Variants in FLVCR2 observed in about 807,000 individuals in gnomAD.
The protein encoded by FLVCR2 is FLVCR choline and putative heme transporter 2, also known as choline/ethanolamine transporter FLVCR2.
A neutral mutation model predicts 48.9 loss-of-function variants in FLVCR2; 38 were observed. The observed-to-expected ratio is 0.78, with a 90% confidence interval of 0.60 to 1.02. FLVCR2 has a LOEUF of 1.02. FLVCR2 is among the 50% of genes least tolerant of loss of function. The pLI is 0.00. For synonymous variants in FLVCR2, 255 were observed against 257.0 expected (o/e 0.99, Z 0.07); for missense variants, 664 against 663.3 (o/e 1.00, Z -0.01).
intron 1 of FLVCR2, among the ~76,000 whole-genome samples, chr14:75,586,230 T>G (rs1018899720): frequency 6.6e-6 from 1 of 152,014 alleles, no homozygotes; most frequent in Non-Finnish European, 1.5e-5. Flanking sequence ...GGCGGTGGGT[T>G]AGGAGCAATG....
chr14:75,595,890 T>G, intron 1 of FLVCR2: 1 of 1,092,280 alleles, frequency 9.2e-7, no homozygotes, highest in Non-Finnish European at 1.4e-6. Flanking sequence ...TTCCTCTCAT[T>G]GCTTTCTTGA....
intron 1 of FLVCR2, among the ~76,000 whole-genome samples, chr14:75,591,234 A>G (rs1888869382): frequency 6.6e-6 from 1 of 152,006 alleles, no homozygotes; most frequent in Non-Finnish European, 1.5e-5. Context: ...GTAGAGACGG[A>G]GTTTCGCCAT....
In FLVCR2 at chr14:75,579,286, A is replaced by G; in HGVS notation, c.314A>G (p.Tyr105Cys). Residue 105 changes from tyrosine (Y) to cysteine (C), a missense_variant, in exon 1 of 10, where the codon TAC becomes TGC. Tyr to Cys is a radical substitution (Grantham distance 194). Transcript: ENST00000238667. The stretch of plus-strand genomic sequence containing the variant: ...TGCAACTCCTTTCAGTGGATCCAGT[A>G]CGGCTCCATCAATAACATCTTCATG... ...SMCNSFQWIQ[Y>C]GSINNIFMHF... 6.2e-7 allele frequency: 1 copy of G among 1,614,164 alleles called. No individual in the cohort carries two copies. Among genetic ancestry groups the G allele is most frequent in the Non-Finnish European group, 8.5e-7 (1 of 1,180,010 alleles).
chr14:75,606,575 C>A (rs80064545), intron 1 of FLVCR2, among the ~76,000 whole-genome samples: 4,630 of 152,256 alleles, frequency 0.03, 236 homozygotes, highest in African/African-American at 0.11. Context: ...GCTGAGAATT[C>A]TCTTGATTTC....
chr14:75,626,885 C>G (rs763259171), intron 3 of FLVCR2, among the ~76,000 whole-genome samples: 1 of 151,888 alleles, frequency 6.6e-6, no homozygotes, highest in Non-Finnish European at 1.5e-5. Context: ...TGAGGCCTAC[C>G]TGGGATTCTA....
chr14:75,635,846 G>A (rs1566796298), intron 5 of FLVCR2, among the ~76,000 whole-genome samples: 1 of 151,594 alleles, frequency 6.6e-6, no homozygotes, highest in Non-Finnish European at 1.5e-5. Flanking sequence ...CCTGGCTCAA[G>A]AAAAAAAAGA....
intron 5 of FLVCR2, among the ~76,000 whole-genome samples, chr14:75,638,351 C>T (rs945553538): frequency 3.3e-5 from 5 of 152,148 alleles, no homozygotes; most frequent in South Asian, 4.2e-4. Context: ...GCAGAAGAAT[C>T]GCTTGAACCC....
At chr14:75,600,701 G>A (rs1487650645) in intron 1 of FLVCR2, among the ~76,000 whole-genome samples, 1 of 151,904 alleles carries the variant, frequency 6.6e-6, no homozygotes, top group African/African-American at 2.4e-5. Context: ...CAAAAGCAGA[G>A]GTACTAAAAG....
chr14:75,605,381 T>G (rs760030093), intron 1 of FLVCR2: 24 of 1,290,538 alleles, frequency 1.9e-5, no homozygotes, highest in African/African-American at 3.0e-5. Flanking sequence ...CCCTTGATTC[T>G]ACAGAGCTAA....
intron 9 of FLVCR2, 68 bp downstream of exon 9, chr14:75,641,966 T>C (rs1191234842): frequency 3.1e-5 from 43 of 1,407,006 alleles, no homozygotes; most frequent in Non-Finnish European, 4.0e-5. Context: ...TGTGGCAACA[T>C]AGATGGGGCA....
chr14:75,609,948 C>T (rs377160017), intron 1 of FLVCR2, among the ~76,000 whole-genome samples: 1 of 152,148 alleles, frequency 6.6e-6, no homozygotes, highest in African/African-American at 2.4e-5. Flanking sequence ...ACCGGAGAAT[C>T]CCTCTGTTGG....
At position 75,600,884 on chromosome 14, in the gene FLVCR2, AAAAC is replaced by A. The variant is rs562418079; in HGVS notation, c.670-21184_670-21181del. Among the ~76,000 whole-genome samples, 77 of 152,146 alleles carry A rather than the reference AAAAC, an allele frequency of 5.1e-4. 2 individuals carry two copies. The South Asian group carries it at 0.01, about 20-fold the overall frequency. ...TCTTTACAACTCAACCGCAAAAAAA[AAAAC>A]AAACAAACAATCCAATTTAAAAATG... On this transcript the variant is annotated intron_variant, in intron 1 of 9. Transcript: ENST00000238667.
chr14:75,587,718 T>C (rs1440808159), intron 1 of FLVCR2, among the ~76,000 whole-genome samples: 1 of 152,228 alleles, frequency 6.6e-6, no homozygotes, highest in Admixed American at 6.5e-5. Context: ...TTTTAAGAGA[T>C]ATGCACACAT....
chr14:75,579,588 T>C lies in FLVCR2; in HGVS notation c.616T>C (p.Phe206Leu). Reference sequence around the variant, plus strand: ...GCCCTCCCGCATCGCTTCCGTCTGGTTCGGGGCTAATGAGGTTTCAACAGC... The same window carrying C: ...GCCCTCCCGCATCGCTTCCGTCTGGCTCGGGGCTAATGAGGTTTCAACAGC... The part of the protein sequence containing the change: ...GMPSRIASVW[F>L]GANEVSTACS... The change falls in exon 1 of 10, where the codon TTC becomes CTC. Residue 206 changes from phenylalanine to leucine, a missense_variant. Transcript: ENST00000238667. 2 of 1,614,090 alleles carry C rather than the reference T, an allele frequency of 1.2e-6. No homozygotes were observed. Among genetic ancestry groups the C allele is most frequent in the Non-Finnish European group, 1.7e-6 (2 of 1,180,018 alleles).
At chr14:75,615,087 A>T (rs1889574132) in intron 1 of FLVCR2, among the ~76,000 whole-genome samples, 2 of 152,154 alleles carry the variant, frequency 1.3e-5, no homozygotes, top group African/African-American at 2.4e-5. Context: ...TTCCTCTGAG[A>T]GGGCTGACAC....
intron 1 of FLVCR2, chr14:75,606,011 C>A: frequency 4.7e-6 from 1 of 214,568 alleles, no homozygotes; most frequent in South Asian, 7.9e-5. Flanking sequence ...AGGCATAAGG[C>A]ATTCGTGGGC....
intron 6 of FLVCR2, 139 bp from the exon 7 acceptor site, chr14:75,640,816 C>T: frequency 2.8e-6 from 2 of 713,464 alleles, no homozygotes; most frequent in South Asian, 3.0e-5. Flanking sequence ...ATAGAGGATG[C>T]CCAGATCATT....
intron 3 of FLVCR2, among the ~76,000 whole-genome samples, chr14:75,627,840 C>A (rs1889943897): frequency 6.6e-6 from 1 of 152,172 alleles, no homozygotes; most frequent in Non-Finnish European, 1.5e-5. Flanking sequence ...ATATGGGGTT[C>A]TTTGCCAAAA....
At chr14:75,630,364 T>C (rs989926799) in intron 3 of FLVCR2, among the ~76,000 whole-genome samples, 29 of 152,142 alleles carry the variant, frequency 1.9e-4, no homozygotes, top group Non-Finnish European at 1.2e-4. Context: ...TTTTGTATCT[T>C]GAAGGCCATG....
Sources: gnomAD v4.1 joint callset for allele counts (sites outside exome capture counted in the v4.1 genomes callset) on GRCh38, gnomAD v4.1.1 for gene constraint, MANE v1.5 for transcripts, NCBI Gene and HGNC (gene_info 2026-07-23, HGNC 2026-07-21) for gene names.